The following SOX6 variants were observed in gnomAD, a reference collection of about 807,000 sequenced individuals.
SOX6 encodes SRY-box transcription factor 6, also known as transcription factor SOX-6.
In SOX6, 11 loss-of-function variants were observed where a neutral mutation model predicts 97.8. The ratio of observed to expected loss-of-function variants is 0.11; its 90% confidence interval spans 0.07 to 0.19. The LOEUF (loss-of-function observed/expected upper bound fraction) is 0.19. Among genes scored for constraint, SOX6 ranks in the 10% least tolerant of loss-of-function variants. The pLI is 1.00. For missense variants in SOX6, 810 were observed against 1,039.5 expected, an observed-to-expected ratio of 0.78 and a Z score of 3.04; for synonymous variants, 360 against 371.4, an observed-to-expected ratio of 0.97 and a Z score of 0.35.
At chr11:16,204,965 A>T (rs891899413) in intron 4 of SOX6, among the ~76,000 whole-genome samples, 8 of 152,190 alleles carry the variant, frequency 5.3e-5, no homozygotes, top group Middle Eastern at 3.4e-3. Flanking sequence ...TTAAAAAAAA[A>T]TCAAGGGAAA....
At chr11:16,572,636 T>C (rs1283862230) in intron 4 of SOX6, among the ~76,000 whole-genome samples, 1 of 152,204 alleles carries the variant, frequency 6.6e-6, no homozygotes, top group African/African-American at 2.4e-5. Context: ...TGAAACTTTA[T>C]AATAGAGTAT....
chr11:16,327,280 T>C (rs1298442776), intron 2 of SOX6, among the ~76,000 whole-genome samples: 1 of 152,176 alleles, frequency 6.6e-6, no homozygotes, highest in Non-Finnish European at 1.5e-5. Flanking sequence ...GTATAATGCC[T>C]AGCATATAAG....
At chr11:16,133,208 C>A (rs1038621100) in intron 6 of SOX6, among the ~76,000 whole-genome samples, 5 of 152,184 alleles carry the variant, frequency 3.3e-5, no homozygotes, top group African/African-American at 1.2e-4. Flanking sequence ...ATGGGGCACA[C>A]CCCTTTTTGG....
intron 1 of SOX6, among the ~76,000 whole-genome samples, chr11:16,395,099 CT>C (rs1305160280): frequency 6.6e-6 from 1 of 151,736 alleles, no homozygotes; most frequent in Non-Finnish European, 1.5e-5. Flanking sequence ...GTCAATCTCC[CT>C]TTTTTCACTT....
chr11:16,055,586 C>T (rs1024572709), intron 10 of SOX6, among the ~76,000 whole-genome samples, 166 bp downstream of exon 10: 1 of 152,190 alleles, frequency 6.6e-6, no homozygotes, highest in African/African-American at 2.4e-5. Context: ...ATCAAAACAC[C>T]TGTTTCTCAA....
At chr11:16,106,009 C>T (rs987693768) in intron 7 of SOX6, among the ~76,000 whole-genome samples, 4 of 151,974 alleles carry the variant, frequency 2.6e-5, no homozygotes, top group African/African-American at 9.7e-5. Context: ...AGATGAAAGA[C>T]TTGTATGTTG....
intron 4 of SOX6, among the ~76,000 whole-genome samples, chr11:16,536,633 C>T (rs747990095): frequency 2.0e-5 from 3 of 152,258 alleles, no homozygotes. Context: ...TAGCAACCGG[C>T]AGACCAGGAG....
intron 1 of SOX6, among the ~76,000 whole-genome samples, chr11:16,376,975 G>T (rs990588797): frequency 9.2e-5 from 14 of 151,656 alleles, no homozygotes; most frequent in Non-Finnish European, 1.8e-4. Flanking sequence ...ATTAAGGAGT[G>T]CTATCTCAAG....
chr11:16,276,573 T>C (rs1854406379), intron 3 of SOX6, among the ~76,000 whole-genome samples: 1 of 152,182 alleles, frequency 6.6e-6, no homozygotes, highest in Admixed American at 6.5e-5. Flanking sequence ...AGAATAATTC[T>C]TCGTCATGCA....
At chr11:16,692,056 C>CGTGTGT (rs755479047) in intron 3 of SOX6, among the ~76,000 whole-genome samples, 5,027 of 144,210 alleles carry the variant, frequency 0.035, 110 homozygotes, top group Middle Eastern at 0.086. Flanking sequence ...TTTGCGTGTG[C>CGTGTGT]GTGTGTGTGT....
chr11:16,113,638 A>T (rs1849280207), intron 6 of SOX6, among the ~76,000 whole-genome samples: 1 of 152,196 alleles, frequency 6.6e-6, no homozygotes, highest in Non-Finnish European at 1.5e-5. Flanking sequence ...CATCAAAGGA[A>T]ATAATTTCAT....
At chr11:16,446,190 T>G (rs148731575) in intron 1 of SOX6, among the ~76,000 whole-genome samples, 2 of 151,492 alleles carry the variant, frequency 1.3e-5, no homozygotes, top group East Asian at 1.9e-4. Context: ...AAGGGTTGCA[T>G]GTAAGAATGC....
chr11:16,611,712 A>G (rs1392426215), intron 4 of SOX6, among the ~76,000 whole-genome samples: 1 of 152,230 alleles, frequency 6.6e-6, no homozygotes, highest in Non-Finnish European at 1.5e-5. Flanking sequence ...AGCAAACTGA[A>G]TAATGTCCTG....
intron 9 of SOX6, among the ~76,000 whole-genome samples, chr11:16,077,966 A>ATC (rs976389606): frequency 3.3e-5 from 5 of 152,030 alleles, no homozygotes; most frequent in Non-Finnish European, 5.9e-5. Flanking sequence ...GAAATACTCA[A>ATC]TCTCTCTCTC....
intron 2 of SOX6, among the ~76,000 whole-genome samples, chr11:16,721,026 A>G (rs532020709): frequency 6.6e-5 from 10 of 152,238 alleles, no homozygotes; most frequent in Admixed American, 5.9e-4. Context: ...CAATTGGCCA[A>G]CTTTGGGTAA....
chr11:16,540,271 C>G (rs1235100679), intron 4 of SOX6, among the ~76,000 whole-genome samples: 1 of 151,920 alleles, frequency 6.6e-6, no homozygotes, highest in African/African-American at 2.4e-5. Flanking sequence ...AATTCAACAG[C>G]CCTTCATGCT....
intron 6 of SOX6, among the ~76,000 whole-genome samples, chr11:16,164,638 T>C (rs1441087980): frequency 6.6e-6 from 1 of 151,728 alleles, no homozygotes; most frequent in Admixed American, 6.6e-5. Flanking sequence ...CTGGCCAACA[T>C]AGTAAAACCC....
chr11:16,357,261 T>C (rs1590154605), upstream of SOX6, among the ~76,000 whole-genome samples: 4 of 152,204 alleles, frequency 2.6e-5, no homozygotes, highest in Admixed American at 2.6e-4. Flanking sequence ...TTTCCAAAAA[T>C]AGGCACCCTG....
intron 4 of SOX6, among the ~76,000 whole-genome samples, chr11:16,206,961 G>C (rs760114720): frequency 6.6e-6 from 1 of 152,026 alleles, no homozygotes; most frequent in Non-Finnish European, 1.5e-5. Context: ...GATATACATA[G>C]CACTTCATGA....
Sources: gnomAD v4.1 joint callset for allele counts (sites outside exome capture counted in the v4.1 genomes callset) on GRCh38, gnomAD v4.1.1 for gene constraint, MANE v1.5 for transcripts, NCBI Gene and HGNC (gene_info 2026-07-23, HGNC 2026-07-21) for gene names.